The following CPN1 variants were observed in gnomAD, a reference collection of about 807,000 sequenced individuals.
CPN1 encodes the protein carboxypeptidase N subunit 1, also known as carboxypeptidase N catalytic chain.
CPN1 carries 37 observed loss-of-function variants against 46.4 expected under a neutral mutation model. That is an observed-to-expected ratio of 0.80 (90% CI 0.61 to 1.05). The LOEUF (loss-of-function observed/expected upper bound fraction) is 1.05. CPN1 is among the 50% of genes least tolerant of loss of function. CPN1 has a pLI of 0.00. For synonymous variants in CPN1, 224 were observed against 235.4 expected (o/e 0.95, Z 0.44); for missense variants, 563 against 602.6 (o/e 0.93, Z 0.69).
intron 8 of CPN1, 80 bp downstream of exon 8, chr10:100,048,678 G>A (rs543075635): frequency 1.7e-5 from 18 of 1,035,058 alleles, no homozygotes; most frequent in Non-Finnish European, 2.7e-5. Flanking sequence ...CAGCCTGGGT[G>A]ACAGAGCAGG....
intron 1 of CPN1, among the ~76,000 whole-genome samples, chr10:100,078,037 TTTTTTC>T (rs1229948961): frequency 6.6e-6 from 1 of 152,128 alleles, no homozygotes; most frequent in Admixed American, 6.5e-5. Context: ...CTCCTTTTTC[TTTTTTC>T]TTTTTCTTTT....
In CPN1 at chr10:100,065,375, G is replaced by C; in HGVS notation, c.577-5C>G. The C allele has an allele frequency of 1.2e-6, 2 of 1,614,122 alleles. No homozygotes were observed. The highest frequency in any genetic ancestry group is 8.5e-7 in the Non-Finnish European group (1 of 1,180,016). On this transcript the variant is annotated splice_polypyrimidine_tract_variant and splice_region_variant and intron_variant, in intron 3 of 8. Transcript: ENST00000370418. ...CGCCCGGGTCTCGGGTTCCACCTGG[G>C]AGGAGGCGAGAGGTTGGCGGTGAAG...
Position 100,048,789 on chromosome 10 carries a change from G to A in CPN1, c.1199C>T (p.Thr400Ile), listed in dbSNP as rs780243866. The change falls in exon 8 of 9, where the codon ACT becomes ATT. Residue 400 changes from threonine (T) to isoleucine (I), a missense_variant. Coordinates refer to ENST00000370418, the MANE Select transcript of CPN1 (RefSeq NM_001308.3). ...TAPGYDPETVTVTVGPAEPTL... is the reference protein window; with the variant it reads ...TAPGYDPETVIVTVGPAEPTL... The stretch of plus-strand genomic sequence containing the variant: ...TGGTTCCGCAGGACCCACGGTCACA[G>A]TTACTGTCTCTGGGTCATACCCAGG... The A allele has an allele frequency of 1.2e-6, 2 of 1,613,518 alleles. No homozygotes were observed. The highest frequency in any genetic ancestry group is 1.7e-5 in the Admixed American group (1 of 59,980).
rs770980058 is a variant in CPN1, at chr10:100,042,294, T to A, written c.*133A>T. The A allele has an allele frequency of 8.0e-7, 1 of 1,256,798 alleles. No individual in the cohort carries two copies. The highest frequency in any genetic ancestry group is 1.5e-5 in the African/African-American group (1 of 68,040). The allele number at this position is 1,256,798 out of a possible 1,614,324, so 77.9% of individuals were successfully genotyped here. A position where few individuals can be genotyped will look rare whatever the true frequency, so the allele number is the denominator to read the frequency against. ...AGAGATGGCTTACCCCTGGAACAGA[T>A]GGAGACCATTCTGAATTGTTCTGAA... On this transcript the variant is annotated 3_prime_UTR_variant, in exon 9 of 9. Coordinates refer to ENST00000370418, the MANE Select transcript of CPN1 (RefSeq NM_001308.3).
At chr10:100,065,107 A>G (rs2041445685) in intron 4 of CPN1, 81 bp downstream of exon 4, 2 of 1,507,906 alleles carry the variant, frequency 1.3e-6, no homozygotes, top group South Asian at 2.5e-5. Context: ...CTCGCACTGA[A>G]AAGGGTTCTG....
intron 3 of CPN1, 65 bp downstream of exon 3, chr10:100,069,649 C>T (rs1470137257): frequency 2.5e-6 from 4 of 1,592,182 alleles, no homozygotes; most frequent in Non-Finnish European, 3.4e-6. Context: ...GATGGCTTAG[C>T]AGTCTTTCTG....
In CPN1 at chr10:100,057,125, G is replaced by C. The variant is rs2041388853; in HGVS notation, c.899C>G (p.Thr300Ser). Residue 300 changes from threonine (T) to serine (S), a missense_variant, in exon 6 of 9, where the codon ACC becomes AGC. Thr to Ser is a moderately conservative substitution (Grantham distance 58). Coordinates refer to ENST00000370418, the MANE Select transcript of CPN1 (RefSeq NM_001308.3). ...TTCCAGCGTGATCTCAAAGCAGTTG[G>C]TATGGAGATAATTAAAGTCTTGCAT... ...KGMQDFNYLH[T>S]NCFEITLELS... 13 of 1,614,138 alleles carry C rather than the reference G, an allele frequency of 8.1e-6. No homozygotes were observed. The East Asian group carries it at 2.7e-4, about 33-fold the overall frequency.
rs750419214 is a variant in CPN1 at position 100,048,887 on chromosome 10, C to T, written c.1112-11G>A. The T allele has an allele frequency of 1.3e-6, 2 of 1,586,108 alleles. No homozygotes were observed. The highest frequency in any genetic ancestry group is 1.7e-6 in the Non-Finnish European group (2 of 1,155,444). On this transcript the variant is annotated splice_polypyrimidine_tract_variant and intron_variant, in intron 7 of 8. Coordinates refer to ENST00000370418, the MANE Select transcript of CPN1 (RefSeq NM_001308.3). ...AATCACCATGGTCACCTGAAAGTCA[C>T]AAAGATATAACTCAGTCTACTGATT...
At chr10:100,075,880 C>T (rs1190999442) in intron 2 of CPN1, 31 bp downstream of exon 2, 1 of 1,610,738 alleles carries the variant, frequency 6.2e-7, no homozygotes, top group South Asian at 1.1e-5. Context: ...AGGCCTTGAT[C>T]TCTCCCCGGC....
At chr10:100,043,052 C>T (rs58112484) in intron 8 of CPN1, among the ~76,000 whole-genome samples, 4,619 of 149,704 alleles carry the variant, frequency 0.031, 148 homozygotes, top group African/African-American at 0.087. Context: ...TGAGATCTTG[C>T]CACTGCACTC....
intron 2 of CPN1, among the ~76,000 whole-genome samples, chr10:100,075,293 A>T (rs185367937): frequency 6.6e-6 from 1 of 152,242 alleles, no homozygotes; most frequent in African/African-American, 2.4e-5. Context: ...CTATCCCAAA[A>T]AAAGAAAGCC....
At chr10:100,074,034 T>TCCC (rs145901066) in intron 2 of CPN1, among the ~76,000 whole-genome samples, 1 of 150,208 alleles carries the variant, frequency 6.7e-6, no homozygotes, top group Non-Finnish European at 1.5e-5. Context: ...CTGGGCCCCA[T>TCCC]CCCCCCCCCA....
intron 5 of CPN1, among the ~76,000 whole-genome samples, chr10:100,059,882 A>C (rs2041407116): frequency 6.6e-6 from 1 of 152,210 alleles, no homozygotes; most frequent in Non-Finnish European, 1.5e-5. Context: ...ATGTGGTATA[A>C]ACGTATAATG....
chr10:100,075,543 A>C (rs1286343848), intron 2 of CPN1, among the ~76,000 whole-genome samples: 1 of 152,230 alleles, frequency 6.6e-6, no homozygotes, highest in African/African-American at 2.4e-5. Flanking sequence ...TTTGATGCTG[A>C]AAGTCCAGGA....
At chr10:100,047,628 C>A (rs1589469735) in intron 8 of CPN1, among the ~76,000 whole-genome samples, 1 of 152,186 alleles carries the variant, frequency 6.6e-6, no homozygotes, top group African/African-American at 2.4e-5. Flanking sequence ...TATCTTTGGG[C>A]CTTCATTCTG....
intron 3 of CPN1, among the ~76,000 whole-genome samples, chr10:100,065,669 G>T (rs1215939766): frequency 7.9e-5 from 12 of 152,122 alleles, no homozygotes; most frequent in Admixed American, 7.9e-4. Context: ...TACCATAATG[G>T]TGGCTATATA....
At chr10:100,065,070 G>C in intron 4 of CPN1, 118 bp downstream of exon 4, 1 of 1,219,466 alleles carries the variant, frequency 8.2e-7, no homozygotes, top group South Asian at 1.5e-5. Flanking sequence ...TCACAAACAA[G>C]CGGTATTTTC....
intron 6 of CPN1, among the ~76,000 whole-genome samples, 195 bp downstream of exon 6, chr10:100,056,818 C>A (rs1731750073): frequency 2.0e-5 from 3 of 151,920 alleles, no homozygotes; most frequent in Admixed American, 1.3e-4. Flanking sequence ...TCCCACACTG[C>A]CGGGATTACA....
chr10:100,075,343 C>A (rs74152969), intron 2 of CPN1, among the ~76,000 whole-genome samples: 52 of 152,256 alleles, frequency 3.4e-4, no homozygotes, highest in African/African-American at 1.2e-3. Context: ...GCAAATATAA[C>A]TCTAAAATAT....
Sources: allele counts gnomAD v4.1 joint callset (sites outside exome capture counted in the v4.1 genomes callset), GRCh38; gene constraint gnomAD v4.1.1; transcripts MANE v1.5; gene names NCBI Gene and HGNC (gene_info 2026-07-23, HGNC 2026-07-21).